PLCB4: variants seen among roughly 807,000 people sequenced by gnomAD.
The protein encoded by PLCB4 is phospholipase C beta 4.
In PLCB4, 77 loss-of-function variants were observed where a neutral mutation model predicts 178.8. The observed-to-expected ratio is 0.43, with a 90% CI of 0.36 to 0.52. The LOEUF (loss-of-function observed/expected upper bound fraction) is 0.52. Ranked by LOEUF, PLCB4 falls within the 20% of genes least tolerant of loss-of-function variation. The pLI, the probability that PLCB4 is intolerant of heterozygous loss-of-function variation, is 0.00. For missense variants in PLCB4, 1,024 were observed against 1,453.4 expected, an observed-to-expected ratio of 0.70 and a Z score of 4.80; for synonymous variants, 496 against 490.8, an observed-to-expected ratio of 1.01 and a Z score of -0.14.
intron 3 of PLCB4, among the ~76,000 whole-genome samples, chr20:9,268,721 A>G (rs1414838154): frequency 6.6e-6 from 1 of 152,226 alleles, no homozygotes; most frequent in Non-Finnish European, 1.5e-5. Flanking sequence ...GACAAAGACT[A>G]TCAGCATCCA....
chr20:9,282,579 T>A (rs1379335623), intron 3 of PLCB4, among the ~76,000 whole-genome samples: 2 of 152,026 alleles, frequency 1.3e-5, no homozygotes, highest in South Asian at 2.1e-4. Flanking sequence ...TATAACACAA[T>A]CACAGTGCCC....
At position 9,356,708 on chromosome 20, in the gene PLCB4, T is replaced by A. The variant is rs1395896901; in HGVS notation, c.370-6188T>A. On this transcript the variant is annotated intron_variant, in intron 7 of 39. Coordinates refer to ENST00000378473, the MANE Select transcript of PLCB4 (RefSeq NM_001377142.1). ...AGGAGTCAAAAACTATATTTCAAAT[T>A]ATATACATTCCTGACATATTATTTG... 2.6e-5 allele frequency among the ~76,000 whole-genome samples: 4 copies of A among 152,214 alleles called. No individual in the cohort carries two copies. The East Asian group carries it at 7.7e-4, about 29-fold the overall frequency.
chr20:9,330,112 A>G (rs1198138411), intron 4 of PLCB4, among the ~76,000 whole-genome samples: 2 of 152,332 alleles, frequency 1.3e-5, no homozygotes, highest in East Asian at 3.9e-4. Context: ...AGAGGAAATA[A>G]ATAAGCCATA....
At chr20:9,349,502 A>C (rs1413040092) in intron 7 of PLCB4, among the ~76,000 whole-genome samples, 1 of 152,236 alleles carries the variant, frequency 6.6e-6, no homozygotes, top group Non-Finnish European at 1.5e-5. Context: ...ATGGGCGCTC[A>C]GCTCTTGCTG....
rs939008462 is a variant in PLCB4 at position 9,444,115 on chromosome 20, A to G, written c.2815-63A>G. ...ATATTTTTGTTTCTCACCAAGTGTA[A>G]TCATTGTGATTACAAAAAGAAAAAA... On this transcript the variant is annotated intron_variant, in intron 31 of 39. Transcript: ENST00000378473. 43 of 1,446,260 alleles carry G rather than the reference A, an allele frequency of 3.0e-5. No individual in the cohort carries two copies. In the Admixed American group the frequency reaches 7.1e-4, roughly 24 times the overall value. The allele number at this position is 1,446,260 out of a possible 1,614,324, so 89.6% of individuals were successfully genotyped here.
intron 10 of PLCB4, among the ~76,000 whole-genome samples, chr20:9,371,500 C>G (rs2036252415): frequency 6.6e-6 from 1 of 151,956 alleles, no homozygotes; most frequent in African/African-American, 2.4e-5. Context: ...TCCTCCCTTC[C>G]TTCCTTTTGT....
In PLCB4 at chr20:9,423,661, C is replaced by A. The variant is rs1046171621; in HGVS notation, c.2320-87C>A. On this transcript the variant is annotated intron_variant, in intron 27 of 39. Transcript: ENST00000378473. ...TTCAACATCAGGGAACATTTAAGAA[C>A]AGCATGGATTTGGTCCACACTCCTT... is the stretch of plus-strand genomic sequence containing the variant. 49 of 965,016 alleles carry A rather than the reference C, an allele frequency of 5.1e-5. No homozygotes were observed. In the African/African-American group the frequency reaches 7.4e-4, roughly 15 times the overall value. The allele number at this position is 965,016 out of a possible 1,614,324, so 59.8% of individuals were successfully genotyped here.
At chr20:9,126,807 C>G (rs2092127091) in intron 2 of PLCB4, among the ~76,000 whole-genome samples, 2 of 136,734 alleles carry the variant, frequency 1.5e-5, no homozygotes, top group African/African-American at 5.5e-5. Context: ...TGAAAAAAGT[C>G]TAAGAATACT....
Position 9,384,539 on chromosome 20 carries a change from A to G in PLCB4, c.1064+128A>G, listed in dbSNP as rs960100996. On this transcript the variant is annotated intron_variant, in intron 14 of 39. Transcript: ENST00000378473. ...ATTTGTTTATTCCCTTTAATGGATT[A>G]TCATGGTCATTTAACGTTGAGAAAA... 6.0e-6 allele frequency: 4 copies of G among 664,796 alleles called. No individual in the cohort carries two copies. The African/African-American group carries it at 7.2e-5, about 12-fold the overall frequency. The allele number at this position is 664,796 out of a possible 1,614,324, so 41.2% of individuals were successfully genotyped here.
intron 2 of PLCB4, among the ~76,000 whole-genome samples, chr20:9,144,680 A>AAGGAGGGGG (rs2092559167): frequency 8.4e-6 from 1 of 118,486 alleles, no homozygotes; most frequent in Non-Finnish European, 1.7e-5. Context: ...GAGGAGGGGG[A>AAGGAGGGGG]AGGAGGGGGA....
chr20:9,405,724 T>C (rs192003635), intron 21 of PLCB4, among the ~76,000 whole-genome samples: 5 of 152,360 alleles, frequency 3.3e-5, no homozygotes, highest in Admixed American at 3.3e-4. Flanking sequence ...AGAGTATTAT[T>C]TGATGTTATT....
At chr20:9,203,052 A>ATATAT (rs1555875389) in intron 2 of PLCB4, among the ~76,000 whole-genome samples, 9 of 131,208 alleles carry the variant, frequency 6.9e-5, no homozygotes, top group African/African-American at 3.0e-4. Context: ...AAAAAAAAAA[A>ATATAT]AAAAATATAT....
chr20:9,071,797 T>C (rs2089588302), intron 1 of PLCB4, among the ~76,000 whole-genome samples: 1 of 152,214 alleles, frequency 6.6e-6, no homozygotes, highest in African/African-American at 2.4e-5. Flanking sequence ...AAGTATAAAT[T>C]TTCTTTGAAA....
chr20:9,129,981 C>G (rs2092231402), intron 2 of PLCB4, among the ~76,000 whole-genome samples: 1 of 151,932 alleles, frequency 6.6e-6, no homozygotes. Flanking sequence ...TTGGTTGTAT[C>G]TAGTTTGTTG....
chr20:9,090,418 A>G (rs2090624781), intron 1 of PLCB4, among the ~76,000 whole-genome samples: 1 of 152,024 alleles, frequency 6.6e-6, no homozygotes, highest in African/African-American at 2.4e-5. Flanking sequence ...ATAGATAACT[A>G]ACTAATAGAA....
intron 2 of PLCB4, among the ~76,000 whole-genome samples, chr20:9,132,135 A>G (rs553869659): frequency 6.6e-6 from 1 of 152,230 alleles, no homozygotes; most frequent in Non-Finnish European, 1.5e-5. Context: ...GTAGTTAGTT[A>G]CAAAGCAATA....
intron 19 of PLCB4, among the ~76,000 whole-genome samples, chr20:9,398,521 T>C (rs2038777827): frequency 6.6e-6 from 1 of 152,152 alleles, no homozygotes; most frequent in Admixed American, 6.5e-5. Context: ...AATTAAAATA[T>C]GTAAGGCATT....
At chr20:9,125,309 A>T (rs1280870615) in intron 2 of PLCB4, among the ~76,000 whole-genome samples, 1 of 152,230 alleles carries the variant, frequency 6.6e-6, no homozygotes, top group Non-Finnish European at 1.5e-5. Flanking sequence ...TAATGAAATA[A>T]GAAGCAGTTT....
intron 3 of PLCB4, among the ~76,000 whole-genome samples, chr20:9,274,059 A>C (rs1291423097): frequency 6.6e-6 from 1 of 152,044 alleles, no homozygotes; most frequent in Non-Finnish European, 1.5e-5. Flanking sequence ...TTCGTAACTG[A>C]TTGGCTGGAT....
Sources: allele counts gnomAD v4.1 joint callset (sites outside exome capture counted in the v4.1 genomes callset), GRCh38; gene constraint gnomAD v4.1.1; transcripts MANE v1.5; gene names NCBI Gene and HGNC (gene_info 2026-07-23, HGNC 2026-07-21).